Variants in SIL1 observed in about 807,000 individuals in gnomAD.
SIL1 encodes the protein nucleotide exchange factor SIL1.
Under a neutral mutation model 49.1 loss-of-function variants are expected in SIL1, and 40 were observed. That is an observed-to-expected ratio of 0.81 (90% CI 0.63 to 1.06). SIL1 has a LOEUF of 1.06. Among genes scored for constraint, SIL1 ranks in the 50% least tolerant of loss-of-function variants. SIL1 has a pLI of 0.00. For synonymous variants in SIL1, 253 were observed against 250.8 expected (o/e 1.01, Z -0.08); for missense variants, 500 against 572.6 (o/e 0.87, Z 1.29).
At chr5:139,052,848 C>A (rs1769321330) in intron 3 of SIL1, among the ~76,000 whole-genome samples, 1 of 152,100 alleles carries the variant, frequency 6.6e-6, no homozygotes, top group Admixed American at 6.5e-5. Flanking sequence ...ACCCAATAGG[C>A]CACAGAAGCT....
intron 7 of SIL1, among the ~76,000 whole-genome samples, chr5:138,958,105 G>A (rs1401042594): frequency 6.6e-6 from 1 of 152,076 alleles, no homozygotes; most frequent in Non-Finnish European, 1.5e-5. Flanking sequence ...CCCCACGTCC[G>A]ATTTATGCCC....
At chr5:139,099,287 G>A (rs759368124) in intron 3 of SIL1, among the ~76,000 whole-genome samples, 5 of 152,156 alleles carry the variant, frequency 3.3e-5, no homozygotes, top group Non-Finnish European at 7.3e-5. Context: ...AGCAAATGCT[G>A]GAGAGGATGT....
intron 1 of SIL1, chr5:139,187,655 A>AT (rs1752099435): frequency 8.1e-6 from 1 of 122,868 alleles, no homozygotes; most frequent in Non-Finnish European, 1.9e-5. Flanking sequence ...GGGTGATGGT[A>AT]CGGACATATT....
At chr5:139,192,528 T>C (rs1284743201) in intron 1 of SIL1, among the ~76,000 whole-genome samples, 4 of 152,132 alleles carry the variant, frequency 2.6e-5, no homozygotes, top group Non-Finnish European at 4.4e-5. Flanking sequence ...AAATGTGAAA[T>C]GTGACAAGGG....
intron 7 of SIL1, among the ~76,000 whole-genome samples, chr5:139,008,216 C>G (rs1460902761): frequency 6.6e-6 from 1 of 151,504 alleles, no homozygotes; most frequent in Non-Finnish European, 1.5e-5. Flanking sequence ...AGGAATTTAT[C>G]CATTTCTTCT....
Position 139,026,864 on chromosome 5 carries a change from A to G in SIL1, c.582T>C (p.Ser194=), listed in dbSNP as rs1435075931. The stretch of plus-strand genomic sequence containing the variant: ...TCTTCTCTTCCAAACTGGAGCTGGA[A>G]CTATTGAACTTGTTGATCAGCCGTA... The part of the protein sequence containing the change: ...IMVRLINKFN[S]SSSSLEEKIA... The change falls in exon 6 of 10, where the codon AGT becomes AGC. Residue 194 remains serine, a synonymous_variant. Transcript: ENST00000394817. 1 of 1,614,202 alleles carries G rather than the reference A, an allele frequency of 6.2e-7. No homozygotes were observed.
intron 8 of SIL1, 85 bp from the exon 9 acceptor site, chr5:138,951,420 C>T: frequency 7.2e-7 from 1 of 1,384,130 alleles, no homozygotes; most frequent in East Asian, 2.5e-5. Flanking sequence ...AGAGGTGCCC[C>T]AAATTAGTCC....
rs572610927 is a variant in SIL1, at chr5:138,949,275, C to A, written c.1030-1802G>T. On this transcript the variant is annotated intron_variant, in intron 9 of 9. Coordinates refer to ENST00000394817, the MANE Select transcript of SIL1 (RefSeq NM_022464.5). ...AGAAGCCCAGATGTCAGGGCATGGTCTCTCAGTAGAGGTCCTCTCACAGGC... is the reference window on the plus strand; with the variant it reads ...AGAAGCCCAGATGTCAGGGCATGGTATCTCAGTAGAGGTCCTCTCACAGGC... 8.5e-5 allele frequency among the ~76,000 whole-genome samples: 13 copies of A among 152,274 alleles called. No homozygotes were observed. The East Asian group carries it at 2.5e-3, about 29-fold the overall frequency.
At position 139,132,778 on chromosome 5, in the gene SIL1, C is replaced by G. The variant is rs886273287; in HGVS notation, c.-10-4925G>C. On this transcript the variant is annotated intron_variant, in intron 1 of 9. Coordinates refer to ENST00000394817, the MANE Select transcript of SIL1 (RefSeq NM_022464.5). ...TGGTCCTTACTCAAGAAGTGGCAGG[C>G]ATAGTTTGCCCTGGGCTTTATGCTA... is the stretch of plus-strand genomic sequence containing the variant. Among the ~76,000 whole-genome samples the G allele has an allele frequency of 5.3e-5, 8 of 152,234 alleles. No individual in the cohort carries two copies. The East Asian group carries it at 1.5e-3, about 29-fold the overall frequency.
intron 1 of SIL1, among the ~76,000 whole-genome samples, chr5:139,145,668 G>A (rs1197788670): frequency 3.6e-5 from 4 of 112,560 alleles, no homozygotes; most frequent in South Asian, 3.1e-4. Context: ...GTGTGTGTGT[G>A]TGTGTGTGTG....
chr5:139,050,731 T>C (rs559756174), intron 4 of SIL1, among the ~76,000 whole-genome samples: 9 of 152,356 alleles, frequency 5.9e-5, no homozygotes, highest in African/African-American at 2.2e-4. Context: ...ACAGCCTTTT[T>C]TAAAGTATCA....
chr5:138,977,768 C>A (rs931975531), intron 7 of SIL1, among the ~76,000 whole-genome samples: 3 of 152,216 alleles, frequency 2.0e-5, no homozygotes, highest in Admixed American at 2.0e-4. Flanking sequence ...GCACTGCCAA[C>A]TTCGCCAACC....
chr5:139,179,429 T>C (rs978244855), intron 1 of SIL1, among the ~76,000 whole-genome samples: 1 of 152,184 alleles, frequency 6.6e-6, no homozygotes, highest in Non-Finnish European at 1.5e-5. Flanking sequence ...ATGAGGCAGC[T>C]TCAGAGGAGG....
intron 7 of SIL1, among the ~76,000 whole-genome samples, chr5:138,960,483 C>T (rs973211599): frequency 2.8e-5 from 4 of 142,998 alleles, no homozygotes; most frequent in Admixed American, 7.3e-5. Context: ...AGTGCAGTGG[C>T]GCAATCTAAG....
intron 3 of SIL1, among the ~76,000 whole-genome samples, chr5:139,096,868 G>C (rs1770478073): frequency 6.6e-6 from 1 of 151,984 alleles, no homozygotes; most frequent in Admixed American, 6.5e-5. Flanking sequence ...CAGGTGGGTA[G>C]AGCACCAAGC....
chr5:138,967,903 A>C (rs1305584993), intron 7 of SIL1, among the ~76,000 whole-genome samples: 4 of 152,126 alleles, frequency 2.6e-5, no homozygotes, highest in Non-Finnish European at 4.4e-5. Context: ...GTGGAAAGTC[A>C]CCAGAGGCTC....
chr5:139,003,126 A>C (rs923988564), intron 7 of SIL1, among the ~76,000 whole-genome samples: 1 of 152,008 alleles, frequency 6.6e-6, no homozygotes, highest in African/African-American at 2.4e-5. Context: ...GGGGAAAGGC[A>C]ATTAGGACTC....
chr5:139,112,676 A>T (rs1300476304), intron 3 of SIL1, among the ~76,000 whole-genome samples: 1 of 145,314 alleles, frequency 6.9e-6, no homozygotes, highest in Non-Finnish European at 1.5e-5. Context: ...TCCGGGAGGG[A>T]GGTGGCGGGC....
At chr5:138,979,759 G>T (rs1290120595) in intron 7 of SIL1, among the ~76,000 whole-genome samples, 1 of 152,208 alleles carries the variant, frequency 6.6e-6, no homozygotes, top group Admixed American at 6.5e-5. Context: ...TTGCCAGGAG[G>T]CAGGGGTGAA....
Sources: gnomAD v4.1 joint callset for allele counts (sites outside exome capture counted in the v4.1 genomes callset) on GRCh38, gnomAD v4.1.1 for gene constraint, MANE v1.5 for transcripts, NCBI Gene and HGNC (gene_info 2026-07-23, HGNC 2026-07-21) for gene names.